ATE1: variants seen among roughly 807,000 people sequenced by gnomAD.
The protein encoded by ATE1 is arginyltransferase 1, also known as arginyl-tRNA--protein transferase 1.
A neutral mutation model predicts 70.5 loss-of-function variants in ATE1; 36 were observed. That is an observed-to-expected ratio of 0.51 (90% confidence interval 0.39 to 0.67). ATE1 has a LOEUF of 0.67. ATE1 is among the 30% of genes least tolerant of loss of function. The probability of loss-of-function intolerance (pLI) is 0.00; values close to 1 mark genes in which losing one functional copy is unlikely to be tolerated. For synonymous variants in ATE1, 232 were observed against 219.3 expected (o/e 1.06, Z -0.51); for missense variants, 593 against 629.5 (o/e 0.94, Z 0.62).
At chr10:121,890,876 G>C (rs1051013780) in intron 7 of ATE1, among the ~76,000 whole-genome samples, 3 of 152,082 alleles carry the variant, frequency 2.0e-5, no homozygotes, top group Non-Finnish European at 4.4e-5. Flanking sequence ...CTGAAAATCT[G>C]ATATCTACCT....
intron 7 of ATE1, among the ~76,000 whole-genome samples, chr10:121,897,600 G>A (rs1014986447): frequency 6.6e-6 from 1 of 152,100 alleles, no homozygotes; most frequent in South Asian, 2.1e-4. Flanking sequence ...AGGCCAAGGA[G>A]GAAGACCACA....
chr10:121,756,342 T>G (rs887985052), intron 11 of ATE1, among the ~76,000 whole-genome samples: 1 of 152,212 alleles, frequency 6.6e-6, no homozygotes, highest in African/African-American at 2.4e-5. Context: ...GCGTTGAGTG[T>G]CTGCAGCTTT....
At chr10:121,781,345 T>C (rs1945979965) in intron 11 of ATE1, among the ~76,000 whole-genome samples, 1 of 152,182 alleles carries the variant, frequency 6.6e-6, no homozygotes, top group African/African-American at 2.4e-5. Context: ...GGTACACATG[T>C]AGGAGCCTGC....
intron 1 of ATE1, among the ~76,000 whole-genome samples, chr10:121,925,549 G>T (rs1012742471): frequency 1.3e-5 from 2 of 151,846 alleles, no homozygotes; most frequent in Admixed American, 6.6e-5. Flanking sequence ...GAAAAAAAAC[G>T]AAGACTATGA....
At chr10:121,891,931 C>G (rs1950592495) in intron 7 of ATE1, among the ~76,000 whole-genome samples, 1 of 152,144 alleles carries the variant, frequency 6.6e-6, no homozygotes, top group Non-Finnish European at 1.5e-5. Flanking sequence ...TAAAGCAAGT[C>G]AGTATAATGC....
chr10:121,774,894 C>G (rs977697176), intron 11 of ATE1, among the ~76,000 whole-genome samples: 1 of 152,182 alleles, frequency 6.6e-6, no homozygotes, highest in Non-Finnish European at 1.5e-5. Context: ...TTCCCTGACA[C>G]ACTCAAATGC....
At chr10:121,835,320 T>C (rs1006714604) in intron 10 of ATE1, among the ~76,000 whole-genome samples, 1 of 152,058 alleles carries the variant, frequency 6.6e-6, no homozygotes, top group African/African-American at 2.4e-5. Context: ...TTTTCACTGG[T>C]CTCTCAAAGC....
chr10:121,890,240 A>T (rs370323204), intron 7 of ATE1, among the ~76,000 whole-genome samples: 3 of 152,210 alleles, frequency 2.0e-5, no homozygotes, highest in Non-Finnish European at 2.9e-5. Flanking sequence ...ATTAAACACT[A>T]TATCTTTTAA....
At chr10:121,924,831 T>C (rs11812208) in intron 1 of ATE1, among the ~76,000 whole-genome samples, 20,352 of 149,018 alleles carry the variant, frequency 0.14, 1,581 homozygotes, top group East Asian at 0.19. Flanking sequence ...AATGACACTA[T>C]ATATATTTTC....
At chr10:121,847,755 T>C (rs1230905302) in intron 8 of ATE1, among the ~76,000 whole-genome samples, 1 of 36,668 alleles carries the variant, frequency 2.7e-5, no homozygotes, top group Non-Finnish European at 4.6e-5. Context: ...AGACTCTGTC[T>C]CAAAAAAAAA....
chr10:121,857,604 T>A (rs1353107166), intron 8 of ATE1, among the ~76,000 whole-genome samples: 1 of 152,206 alleles, frequency 6.6e-6, no homozygotes, highest in South Asian at 2.1e-4. Flanking sequence ...ATTGGGCATA[T>A]ACCTAAAGGA....
intron 11 of ATE1, among the ~76,000 whole-genome samples, chr10:121,755,216 G>C (rs368700558): frequency 2.8e-4 from 42 of 152,140 alleles, no homozygotes; most frequent in African/African-American, 9.4e-4. Flanking sequence ...ACTTGTACAG[G>C]GTGTGTGGAT....
At chr10:121,772,626 A>G (rs1199736065) in intron 11 of ATE1, among the ~76,000 whole-genome samples, 2 of 152,182 alleles carry the variant, frequency 1.3e-5, no homozygotes, top group Non-Finnish European at 2.9e-5. Context: ...CCAGAAACAA[A>G]GTCACGTCAT....
chr10:121,837,285 T>C (rs1318948789), intron 9 of ATE1, among the ~76,000 whole-genome samples: 3 of 152,240 alleles, frequency 2.0e-5, no homozygotes, highest in Non-Finnish European at 4.4e-5. Context: ...TTCATTCCTT[T>C]ATCTAGGCAC....
At chr10:121,921,916 A>T (rs555847247) in intron 3 of ATE1, among the ~76,000 whole-genome samples, 5 of 152,322 alleles carry the variant, frequency 3.3e-5, no homozygotes, top group Non-Finnish European at 7.3e-5. Flanking sequence ...ATCCCACAAC[A>T]TGAGAACGTG....
At position 121,741,707 on chromosome 10, in the gene ATE1, T is replaced by G. The variant is rs1420490228; in HGVS notation, c.*1973A>C. ...TATTTTTAATAATGCAGAGATTACT[T>G]ACTACACTTTCTGAAGCCTTATTTT... On this transcript the variant is annotated 3_prime_UTR_variant, in exon 12 of 12. Coordinates refer to ENST00000224652, the MANE Select transcript of ATE1 (RefSeq NM_001001976.3). 6.6e-6 allele frequency: 1 copy of G among 152,228 alleles called. No individual in the cohort carries two copies. Among genetic ancestry groups the G allele is most frequent in the African/African-American group, 2.4e-5 (1 of 41,470 alleles). 9.4% of individuals were successfully genotyped at this position (152,228 alleles called of 1,614,324 possible).
At chr10:121,744,221 C>T (rs1281532269) in intron 11 of ATE1, among the ~76,000 whole-genome samples, 1 of 151,928 alleles carries the variant, frequency 6.6e-6, no homozygotes, top group Non-Finnish European at 1.5e-5. Flanking sequence ...TGTACCCAGC[C>T]TTCATTTCTT....
intron 3 of ATE1, 130 bp downstream of exon 3, chr10:121,922,219 C>A: frequency 1.5e-6 from 1 of 655,752 alleles, no homozygotes; most frequent in Non-Finnish European, 2.7e-6. Flanking sequence ...AGACATAACT[C>A]ATTTACTTTT....
intron 10 of ATE1, among the ~76,000 whole-genome samples, chr10:121,827,536 C>A (rs554669344): frequency 6.6e-6 from 1 of 152,290 alleles, no homozygotes; most frequent in South Asian, 2.1e-4. Flanking sequence ...GTTGAAAATA[C>A]AATTTCCACT....
Sources: gnomAD v4.1 joint callset for allele counts (sites outside exome capture counted in the v4.1 genomes callset) on GRCh38, gnomAD v4.1.1 for gene constraint, MANE v1.5 for transcripts, NCBI Gene and HGNC (gene_info 2026-07-23, HGNC 2026-07-21) for gene names.